The following RPH3AL variants were observed in gnomAD, a reference collection of about 807,000 sequenced individuals.
RPH3AL encodes rab effector Noc2.
RPH3AL carries 38 observed loss-of-function variants against 43.1 expected under a neutral mutation model. The observed-to-expected ratio is 0.88, with a 90% CI of 0.68 to 1.15. The LOEUF (loss-of-function observed/expected upper bound fraction) is 1.15, where lower values mean the gene tolerates loss of function less well. RPH3AL is among the 50% of genes most tolerant of loss of function. The pLI is 0.00. For synonymous variants in RPH3AL, 189 were observed against 176.3 expected (o/e 1.07, Z -0.57); for missense variants, 462 against 423.2 (o/e 1.09, Z -0.81).
At chr17:252,746 T>C (rs368668476) in intron 6 of RPH3AL, among the ~76,000 whole-genome samples, 41 of 152,326 alleles carry the variant, frequency 2.7e-4, no homozygotes, top group African/African-American at 8.9e-4. Context: ...TCCAAAATGC[T>C]TGGGACAGAA....
At chr17:294,338 A>C (rs1413238300) in intron 5 of RPH3AL, among the ~76,000 whole-genome samples, 1 of 152,130 alleles carries the variant, frequency 6.6e-6, no homozygotes, top group Non-Finnish European at 1.5e-5. Flanking sequence ...ATGCTGGTGC[A>C]CACCTGCAGT....
chr17:305,930 C>T (rs1021189497), intron 5 of RPH3AL, among the ~76,000 whole-genome samples: 4 of 151,770 alleles, frequency 2.6e-5, no homozygotes, highest in Admixed American at 6.6e-5. Context: ...CTGCAGCCTC[C>T]GCCTCTGGGG....
intron 5 of RPH3AL, among the ~76,000 whole-genome samples, chr17:315,466 C>T (rs2043972524): frequency 1.3e-5 from 2 of 152,096 alleles, no homozygotes; most frequent in South Asian, 2.1e-4. Context: ...CCTGTAGTCC[C>T]TGTGCTCCCA....
At position 245,349 on chromosome 17, in the gene RPH3AL, GTA is replaced by G. The variant is rs1026673478; in HGVS notation, c.613+1760_613+1761del. Among the ~76,000 whole-genome samples the G allele has an allele frequency of 9.9e-5, 15 of 151,316 alleles. No individual in the cohort carries two copies. The highest frequency in any genetic ancestry group is 3.6e-4 in the African/African-American group (15 of 41,276). ...AGTGTGTGTGTGTGGATGTGAGTGTGTATGTGGATGTCAGTGTGTGTGTGTGG... is the reference window on the plus strand; with the variant it reads ...AGTGTGTGTGTGTGGATGTGAGTGTGTGTGGATGTCAGTGTGTGTGTGTGG... On this transcript the variant is annotated intron_variant, in intron 7 of 9. Coordinates refer to ENST00000331302, the MANE Select transcript of RPH3AL (RefSeq NM_006987.4). This position sits in a 1 kb window ranked among gnomAD's most constrained non-coding sequence, Gnocchi z 5.9.
intron 3 of RPH3AL, among the ~76,000 whole-genome samples, chr17:324,733 A>ATCTATCTATCTATCTATC (rs1567524496): frequency 1.3e-5 from 2 of 150,684 alleles, no homozygotes; most frequent in Non-Finnish European, 3.0e-5. Flanking sequence ...CTATCTATCT[A>ATCTATCTATCTATCTATC]TGTCTATTTT....
chr17:230,203 G>A (rs988747125), intron 7 of RPH3AL, among the ~76,000 whole-genome samples: 1 of 152,182 alleles, frequency 6.6e-6, no homozygotes, highest in Non-Finnish European at 1.5e-5. Context: ...ATTTACCATC[G>A]ATTTTCATTT....
chr17:289,644 C>T lies in RPH3AL; in HGVS notation c.352-7790G>A, dbSNP rs1443726630. ...CTCTGGGGTGACCACCGCCTCACTTCATACGGCATTCGGGCCGGCCCTGCC... is the reference window on the plus strand; with the variant it reads ...CTCTGGGGTGACCACCGCCTCACTTTATACGGCATTCGGGCCGGCCCTGCC... On this transcript the variant is annotated intron_variant, in intron 5 of 9. Transcript: ENST00000331302. This position sits in a 1 kb window ranked among gnomAD's most constrained non-coding sequence, Gnocchi z 5.2. Among the ~76,000 whole-genome samples the T allele has an allele frequency of 6.6e-6, 1 of 152,216 alleles. No homozygotes were observed. The highest frequency in any genetic ancestry group is 1.5e-5 in the Non-Finnish European group (1 of 68,038).
chr17:311,007 T>G (rs539267068), intron 5 of RPH3AL, among the ~76,000 whole-genome samples: 4 of 151,510 alleles, frequency 2.6e-5, no homozygotes, highest in Non-Finnish European at 5.9e-5. Context: ...GCAGTTCATC[T>G]CCCGAAAGAC....
intron 5 of RPH3AL, among the ~76,000 whole-genome samples, chr17:318,125 G>A (rs1378199271): frequency 3.9e-5 from 6 of 152,178 alleles, no homozygotes; most frequent in African/African-American, 1.2e-4. Flanking sequence ...GCTCACGCCT[G>A]TAATCCCAGC....
At chr17:259,349 T>G (rs542132917) in intron 6 of RPH3AL, among the ~76,000 whole-genome samples, 47 of 152,274 alleles carry the variant, frequency 3.1e-4, no homozygotes, top group African/African-American at 1.1e-3. Context: ...AGCAGATCTG[T>G]TGAGGTGAGG....
intron 7 of RPH3AL, among the ~76,000 whole-genome samples, chr17:230,883 G>A (rs775955132): frequency 7.2e-5 from 11 of 152,018 alleles, no homozygotes; most frequent in South Asian, 2.1e-4. Flanking sequence ...ACAGGGTCTC[G>A]CTATGTTGTC....
chr17:309,768 C>T (rs571917725), intron 5 of RPH3AL, among the ~76,000 whole-genome samples: 2 of 150,450 alleles, frequency 1.3e-5, no homozygotes, highest in Admixed American at 1.3e-4. Context: ...CTCCTGCCAG[C>T]CCCCCTGCCA....
At chr17:261,883 C>T (rs554473644) in intron 6 of RPH3AL, 1 of 152,310 alleles carries the variant, frequency 6.6e-6, no homozygotes, top group South Asian at 2.1e-4. Context: ...CGCTCAGGAA[C>T]TACTCTGGGG....
chr17:299,023 C>T (rs1457382671), intron 5 of RPH3AL, among the ~76,000 whole-genome samples: 3 of 149,938 alleles, frequency 2.0e-5, no homozygotes, highest in East Asian at 2.0e-4. Context: ...GGGGTGTTTT[C>T]GACTTTATGC....
At chr17:317,881 C>T (rs1036982756) in intron 5 of RPH3AL, among the ~76,000 whole-genome samples, 26 of 152,150 alleles carry the variant, frequency 1.7e-4, no homozygotes, top group Admixed American at 3.3e-4. Flanking sequence ...CCATCTTTCC[C>T]GGTTCTCTCA....
chr17:226,701 T>C (rs2041114644), intron 7 of RPH3AL, among the ~76,000 whole-genome samples: 1 of 152,168 alleles, frequency 6.6e-6, no homozygotes, highest in South Asian at 2.1e-4. Context: ...CTCCCTCCAT[T>C]GAAATGTCAC....
In RPH3AL at chr17:289,148, C is replaced by T. The variant is rs1333536182; in HGVS notation, c.352-7294G>A. ...ACTCGCCTTCTGAGCCTCACTTCCT[C>T]ATCTGTAAGTTGGTGGTAACAGGCC... On this transcript the variant is annotated intron_variant, in intron 5 of 9. Transcript: ENST00000331302. The surrounding 1 kb of genome is among the most constrained non-coding windows in gnomAD (Gnocchi z 5.2). 1.3e-5 allele frequency among the ~76,000 whole-genome samples: 2 copies of T among 152,138 alleles called. No individual in the cohort carries two copies. The highest frequency in any genetic ancestry group is 2.9e-5 in the Non-Finnish European group (2 of 68,032).
chr17:304,160 A>AG (rs1369355127), intron 5 of RPH3AL, among the ~76,000 whole-genome samples: 2,832 of 101,990 alleles, frequency 0.028, 972 homozygotes, highest in Middle Eastern at 0.058. Context: ...CTCAGGAAAG[A>AG]GTGGGGCAGG....
chr17:266,313 C>T (rs1051845919), intron 6 of RPH3AL, among the ~76,000 whole-genome samples: 3 of 151,830 alleles, frequency 2.0e-5, no homozygotes, highest in African/African-American at 7.3e-5. Context: ...TGTGTGTGCA[C>T]CTGCGTGCAT....
Sources: gnomAD v4.1 joint callset for allele counts (sites outside exome capture counted in the v4.1 genomes callset) on GRCh38, gnomAD v4.1.1 for gene constraint, Gnocchi (gnomAD v3.1) non-coding constraint, MANE v1.5 for transcripts, NCBI Gene and HGNC (gene_info 2026-07-23, HGNC 2026-07-21) for gene names.